RUVBL2: variants seen among roughly 807,000 people sequenced by gnomAD.
The protein encoded by RUVBL2 is ruvB-like 2.
In RUVBL2, 9 loss-of-function variants were observed where a neutral mutation model predicts 57.9. The ratio of observed to expected loss-of-function variants is 0.16; its 90% CI spans 0.09 to 0.27. The LOEUF (loss-of-function observed/expected upper bound fraction) is 0.27. Among genes scored for constraint, RUVBL2 ranks in the 10% least tolerant of loss-of-function variants. The pLI, the probability that RUVBL2 is intolerant of heterozygous loss-of-function variation, is 1.00. For synonymous variants in RUVBL2, 278 were observed against 264.6 expected (o/e 1.05, Z -0.49); for missense variants, 456 against 669.6 (o/e 0.68, Z 3.52).
At chr19:49,009,753 C>G (rs766572007) in intron 6 of RUVBL2, 23 bp from the exon 7 acceptor site, 1 of 1,604,758 alleles carries the variant, frequency 6.2e-7, no homozygotes, top group South Asian at 1.1e-5. Context: ...TGAGCCCCAT[C>G]CCTGGCTTGT....
intron 4 of RUVBL2, among the ~76,000 whole-genome samples, chr19:49,005,153 C>T (rs1253813236): frequency 6.6e-6 from 1 of 152,206 alleles, no homozygotes; most frequent in Non-Finnish European, 1.5e-5. Flanking sequence ...AACCCTACTT[C>T]AGCATCTCTG....
intron 3 of RUVBL2, among the ~76,000 whole-genome samples, chr19:49,003,924 G>A (rs1165091879): frequency 6.6e-6 from 1 of 151,750 alleles, no homozygotes; most frequent in African/African-American, 2.4e-5. Flanking sequence ...AGGCCAGCCT[G>A]GGTAACATAG....
Position 49,015,904 on chromosome 19 carries a change from T to C in RUVBL2, c.*62T>C. The C allele has an allele frequency of 1.9e-6, 3 of 1,614,012 alleles. No homozygotes were observed. Among genetic ancestry groups the C allele is most frequent in the Non-Finnish European group, 2.5e-6 (3 of 1,179,876 alleles). On this transcript the variant is annotated 3_prime_UTR_variant, in exon 15 of 15. Coordinates refer to ENST00000595090, the MANE Select transcript of RUVBL2 (RefSeq NM_006666.3). Reference sequence around the variant, plus strand: ...CCAGAGTTCTGACACTGTGACTCTGTATAAAATGGTTGGGAAGCTGCACCC... The same window carrying C: ...CCAGAGTTCTGACACTGTGACTCTGCATAAAATGGTTGGGAAGCTGCACCC...
chr19:48,998,275 G>A (rs1383326834), intron 1 of RUVBL2, among the ~76,000 whole-genome samples: 4 of 152,202 alleles, frequency 2.6e-5, no homozygotes, highest in Non-Finnish European at 5.9e-5. Context: ...TGCAAGGCCT[G>A]GTGGTTGAGA....
At chr19:48,997,158 T>C (rs1163746518) in intron 1 of RUVBL2, among the ~76,000 whole-genome samples, 1 of 152,134 alleles carries the variant, frequency 6.6e-6, no homozygotes, top group Non-Finnish European at 1.5e-5. Flanking sequence ...CGCTAATCCT[T>C]CCATACCTCC....
chr19:49,010,045 C>T lies in RUVBL2; in HGVS notation c.642C>T (p.Asp214=). The T allele has an allele frequency of 1.3e-6, 2 of 1,599,022 alleles. No individual in the cohort carries two copies. The highest frequency in any genetic ancestry group is 1.7e-6 in the Non-Finnish European group (2 of 1,172,762). Reference sequence around the variant, plus strand: ...GCCGCTCCTTCACACGCGCCCGCGACTACGACGCTATGGGCTCCCAGGTGC... The same window carrying T: ...GCCGCTCCTTCACACGCGCCCGCGATTACGACGCTATGGGCTCCCAGGTGC... The part of the protein sequence containing the change: ...KLGRSFTRAR[D]YDAMGSQTKF... The change falls in exon 8 of 15, where the codon GAC becomes GAT. Residue 214 remains aspartate (D), a synonymous_variant. Transcript: ENST00000595090.
chr19:49,010,678 T>C lies in RUVBL2; in HGVS notation c.787+67T>C. ...GCCTAGCAGCCTCCCTCGGGCTCCC[T>C]CTGTTCCTGAGCTCCGAGTGTGGCC... is the stretch of plus-strand genomic sequence containing the variant. On this transcript the variant is annotated intron_variant, in intron 9 of 14. Transcript: ENST00000595090. The C allele has an allele frequency of 1.5e-5, 24 of 1,595,048 alleles. 1 individual carries two copies. The South Asian group carries it at 2.4e-4, about 16-fold the overall frequency.
intron 6 of RUVBL2, among the ~76,000 whole-genome samples, chr19:49,009,272 A>G (rs900953746): frequency 4.6e-5 from 7 of 150,750 alleles, no homozygotes. Context: ...GCAGATCACA[A>G]GGTCAGGAGA....
chr19:49,002,270 G>A lies in RUVBL2; in HGVS notation c.68-1009G>A, dbSNP rs145475696. Among the ~76,000 whole-genome samples, 229 of 151,762 alleles carry A rather than the reference G, an allele frequency of 1.5e-3. 1 individual carries two copies. The East Asian group carries it at 0.027, about 18-fold the overall frequency. On this transcript the variant is annotated intron_variant, in intron 2 of 14. Coordinates refer to ENST00000595090, the MANE Select transcript of RUVBL2 (RefSeq NM_006666.3). ...TCACCATGTTGGCCAGGCTAGTCTCGAACTCCTGACCTCAGGTGATCTGCT... is the reference window on the plus strand; with the variant it reads ...TCACCATGTTGGCCAGGCTAGTCTCAAACTCCTGACCTCAGGTGATCTGCT...
chr19:49,012,164 C>A (rs2039442732), intron 11 of RUVBL2, among the ~76,000 whole-genome samples: 1 of 152,152 alleles, frequency 6.6e-6, no homozygotes, highest in Non-Finnish European at 1.5e-5. Flanking sequence ...ACTGTCAGCT[C>A]CAGCCCTGCA....
At position 49,007,315 on chromosome 19, in the gene RUVBL2, A is replaced by G. The variant is rs2039301329; in HGVS notation, c.409A>G (p.Ile137Val). ...CTCTCTGGCTAGGGAGGAGACGGAGATCATCGAAGGGGAGGTGGTGGAGAT... is the reference window on the plus strand; with the variant it reads ...CTCTCTGGCTAGGGAGGAGACGGAGGTCATCGAAGGGGAGGTGGTGGAGAT... ...IGVRIKEETEIIEGEVVEIQI... is the reference protein window; with the variant it reads ...IGVRIKEETEVIEGEVVEIQI... The change falls in exon 6 of 15, where the codon ATC becomes GTC. Residue 137 changes from isoleucine (I) to valine (V), a missense_variant. Physicochemically the swap from Ile to Val is conservative, Grantham distance 29. Around this residue, in one of 5 missense-constraint regions of RUVBL2, gnomAD observed 233 missense variants for 306.0 expected, o/e 0.76. Transcript: ENST00000595090. 2 of 1,613,870 alleles carry G rather than the reference A, an allele frequency of 1.2e-6. No homozygotes were observed. The highest frequency in any genetic ancestry group is 1.3e-5 in the African/African-American group (1 of 74,918).
intron 6 of RUVBL2, among the ~76,000 whole-genome samples, chr19:49,009,443 T>TGC (rs2039359742): frequency 6.7e-6 from 1 of 150,112 alleles, no homozygotes; most frequent in Non-Finnish European, 1.5e-5. Context: ...GCCGAGATCA[T>TGC]GCTACTACAC....
In RUVBL2 at chr19:49,015,659, C is replaced by G. The variant is rs1212543134; in HGVS notation, c.1339C>G (p.Gln447Glu). The change falls in exon 14 of 15, where the codon CAG (glutamine) becomes GAG (glutamate). Residue 447 changes from glutamine (Q) to glutamate (E), a missense_variant. This residue lies in a region of RUVBL2 where 67 missense variants were observed against 71.5 expected (regional missense o/e 0.94). Transcript: ENST00000595090. ...SRSTQYMKEY[Q>E]DAFLFNELKG... The stretch of plus-strand genomic sequence containing the variant: ...CTCCACGCAGTACATGAAGGAGTAC[C>G]AGGACGCCTTCCTCTTCAACGAACT... 1.2e-6 allele frequency: 2 copies of G among 1,613,888 alleles called. No individual in the cohort carries two copies. The highest frequency in any genetic ancestry group is 2.2e-5 in the South Asian group (2 of 91,076).
At chr19:48,999,401 C>G in intron 2 of RUVBL2, 28 bp downstream of exon 2, 1 of 1,612,640 alleles carries the variant, frequency 6.2e-7, no homozygotes, top group Non-Finnish European at 8.5e-7. Flanking sequence ...GGAATAGGAC[C>G]TAAGCCCTGC....
intron 11 of RUVBL2, among the ~76,000 whole-genome samples, chr19:49,013,111 C>T (rs1005710611): frequency 5.9e-5 from 9 of 152,072 alleles, no homozygotes; most frequent in African/African-American, 2.2e-4. Flanking sequence ...TTATGGGCAC[C>T]CGCCACCATG....
chr19:48,998,808 A>C (rs1403610787), intron 1 of RUVBL2, among the ~76,000 whole-genome samples: 1 of 151,912 alleles, frequency 6.6e-6, no homozygotes, highest in Non-Finnish European at 1.5e-5. Flanking sequence ...CTGGTGTATC[A>C]CTTGAGGCCA....
At chr19:49,014,913 GC>G in intron 12 of RUVBL2, 107 bp from the exon 13 acceptor site, 1 of 1,404,182 alleles carries the variant, frequency 7.1e-7, no homozygotes, top group Non-Finnish European at 9.6e-7. Flanking sequence ...TAAGATGCAG[GC>G]GCCACATATT....
intron 11 of RUVBL2, among the ~76,000 whole-genome samples, chr19:49,012,254 G>A (rs969849948): frequency 6.6e-6 from 1 of 152,164 alleles, no homozygotes; most frequent in African/African-American, 2.4e-5. Context: ...GAGGATGCTG[G>A]GCCGCTGGGC....
intron 1 of RUVBL2, among the ~76,000 whole-genome samples, chr19:48,996,221 T>G (rs551171506): frequency 1.6e-4 from 25 of 152,106 alleles, no homozygotes; most frequent in Middle Eastern, 3.4e-3. Flanking sequence ...GCATGCTAGC[T>G]TCTTAGGCTT....
Sources: gnomAD v4.1 joint callset for allele counts (sites outside exome capture counted in the v4.1 genomes callset) on GRCh38, gnomAD v4.1.1 for gene constraint, gnomAD v4.1.1 regional missense constraint, MANE v1.5 for transcripts, NCBI Gene and HGNC (gene_info 2026-07-23, HGNC 2026-07-21) for gene names.